Variants in EML5 observed in about 807,000 individuals in gnomAD.
EML5 encodes echinoderm microtubule-associated protein-like 5.
In EML5, 120 loss-of-function variants were observed where a neutral mutation model predicts 250.0. That is an observed-to-expected ratio of 0.48 (90% CI 0.41 to 0.56). EML5 has a LOEUF of 0.56. EML5 is among the 20% of genes least tolerant of loss of function. EML5 has a pLI of 0.00. For missense variants in EML5, 2,006 were observed against 2,437.6 expected (o/e 0.82, Z 3.73); for synonymous variants, 771 against 806.5 (o/e 0.96, Z 0.75).
At chr14:88,649,515 C>A (rs2091520157) in intron 28 of EML5, among the ~76,000 whole-genome samples, 1 of 152,146 alleles carries the variant, frequency 6.6e-6, no homozygotes. Context: ...ACCATAGTTA[C>A]CCTCTTTTCA....
chr14:88,621,109 T>G lies in EML5; in HGVS notation c.5202+4A>C. 6.2e-7 allele frequency: 1 copy of G among 1,613,072 alleles called. No homozygotes were observed. The highest frequency in any genetic ancestry group is 8.5e-7 in the Non-Finnish European group (1 of 1,179,568). On this transcript the variant is annotated splice_donor_region_variant and intron_variant, in intron 38 of 43. Coordinates refer to ENST00000554922, the MANE Select transcript of EML5 (RefSeq NM_183387.3). ...CCTCTTTTAAAAAAATTATCTGTAC[T>G]TACTTTATCAGCAATATCCCAAAGT...
At chr14:88,787,151 C>A (rs1175071554) in intron 1 of EML5, among the ~76,000 whole-genome samples, 1 of 152,226 alleles carries the variant, frequency 6.6e-6, no homozygotes, top group Non-Finnish European at 1.5e-5. Flanking sequence ...CTTCTGATGA[C>A]CCTTCTCCCT....
chr14:88,773,447 C>T (rs2094415371), intron 1 of EML5, among the ~76,000 whole-genome samples: 1 of 152,188 alleles, frequency 6.6e-6, no homozygotes, highest in Non-Finnish European at 1.5e-5. Flanking sequence ...CCAGTACTTA[C>T]CCACATTGTC....
At chr14:88,688,191 G>T in intron 18 of EML5, 80 bp downstream of exon 18, 2 of 1,388,344 alleles carry the variant, frequency 1.4e-6, no homozygotes, top group Non-Finnish European at 2.0e-6. Flanking sequence ...AAGTAGAAAG[G>T]CAGTGTTCCT....
chr14:88,783,989 A>G (rs1436862897), intron 1 of EML5, among the ~76,000 whole-genome samples: 2 of 152,234 alleles, frequency 1.3e-5, no homozygotes, highest in East Asian at 3.8e-4. Context: ...GAATAAAACT[A>G]GAAATTAATA....
At chr14:88,693,728 C>T (rs1054711762) in intron 17 of EML5, among the ~76,000 whole-genome samples, 1 of 140,428 alleles carries the variant, frequency 7.1e-6, no homozygotes, top group Non-Finnish European at 1.5e-5. Context: ...GAGTATTATT[C>T]TCTTATACAC....
chr14:88,779,361 C>A (rs1266475992), intron 1 of EML5, among the ~76,000 whole-genome samples: 1 of 152,178 alleles, frequency 6.6e-6, no homozygotes, highest in Non-Finnish European at 1.5e-5. Context: ...TGAACCAGAT[C>A]CTGCCTTCTG....
At chr14:88,626,583 C>A (rs937974497) in intron 35 of EML5, 11 of 448,398 alleles carry the variant, frequency 2.5e-5, no homozygotes, top group Non-Finnish European at 4.5e-5. Context: ...CACCATTGCA[C>A]CCCAGCCCAG....
chr14:88,783,767 C>T (rs1023667338), intron 1 of EML5, among the ~76,000 whole-genome samples: 2 of 152,156 alleles, frequency 1.3e-5, no homozygotes, highest in African/African-American at 4.8e-5. Context: ...GACAGAAAAT[C>T]AACACAGAAA....
intron 8 of EML5, among the ~76,000 whole-genome samples, chr14:88,716,573 A>G (rs750327276): frequency 6.6e-6 from 1 of 152,194 alleles, no homozygotes; most frequent in Non-Finnish European, 1.5e-5. Context: ...TTTTATAATT[A>G]TAATCTTCAT....
intron 31 of EML5, among the ~76,000 whole-genome samples, chr14:88,639,285 A>G (rs751282565): frequency 6.6e-6 from 1 of 152,208 alleles, no homozygotes; most frequent in Non-Finnish European, 1.5e-5. Flanking sequence ...ACAGAGGAAC[A>G]CTTTAAGCAG....
intron 42 of EML5, 51 bp from the exon 43 acceptor site, chr14:88,616,293 A>C: frequency 6.5e-7 from 1 of 1,538,600 alleles, no homozygotes; most frequent in Non-Finnish European, 9.0e-7. Flanking sequence ...CACAGAAGTC[A>C]AAGGCTCTTA....
Position 88,644,502 on chromosome 14 carries a change from C to T in EML5, c.4038G>A (p.Val1346=). 3.7e-6 allele frequency: 6 copies of T among 1,613,670 alleles called. No homozygotes were observed. The highest frequency in any genetic ancestry group is 2.2e-5 in the East Asian group (1 of 44,828). ...TCTCTGGCTGTGGTGGGGCCCTGCTCACTGGAGGCCTGCAACAGAGAAGTG... is the reference window on the plus strand; with the variant it reads ...TCTCTGGCTGTGGTGGGGCCCTGCTTACTGGAGGCCTGCAACAGAGAAGTG... The part of the protein sequence containing the change: ...QGVVRGSRPP[V]SRAPPQPEKL... Residue 1346 remains valine, a synonymous_variant, in exon 30 of 44, where the codon GTG becomes GTA. Coordinates refer to ENST00000554922, the MANE Select transcript of EML5 (RefSeq NM_183387.3).
Position 88,754,591 on chromosome 14 carries a change from T to C in EML5, c.278A>G (p.Tyr93Cys), listed in dbSNP as rs369891759. The change falls in exon 2 of 44, where the codon TAC becomes TGC. Residue 93 changes from tyrosine to cysteine, a missense_variant. Tyr to Cys is a radical substitution (Grantham distance 194, BLOSUM62 -2). Transcript: ENST00000554922. Reference sequence around the variant, plus strand: ...TAAAACTGATATGGTCTGCACAGTGTATGAATCCCAAATACAAATATAAGG... The same window carrying C: ...TAAAACTGATATGGTCTGCACAGTGCATGAATCCCAAATACAAATATAAGG... The part of the protein sequence containing the change: ...KEPYICIWDS[Y>C]TVQTISVLKD... 8 of 1,613,656 alleles carry C rather than the reference T, an allele frequency of 5.0e-6. No homozygotes were observed. The African/African-American group carries it at 5.3e-5, about 11-fold the overall frequency.
Position 88,792,408 on chromosome 14 carries a change from C to T in EML5, c.96G>A (p.Ala32=). The T allele has an allele frequency of 1.9e-6, 3 of 1,563,478 alleles. No individual in the cohort carries two copies. The highest frequency in any genetic ancestry group is 2.6e-6 in the Non-Finnish European group (3 of 1,156,034). ...CCACGAAGTATACGATCTCCTTGGCCGCAGTGTAGTAGAGGTTGTTGCGGC... is the reference window on the plus strand; with the variant it reads ...CCACGAAGTATACGATCTCCTTGGCTGCAGTGTAGTAGAGGTTGTTGCGGC... ...HQCRNNLYYT[A]AKEIVYFVAG... Residue 32 remains alanine, a synonymous_variant, in exon 1 of 44, where the codon GCG becomes GCA. Transcript: ENST00000554922. This position sits in a 1 kb window ranked among gnomAD's most constrained non-coding sequence, Gnocchi z 6.9.
At chr14:88,644,323 C>A in intron 30 of EML5, 110 bp downstream of exon 30, 1 of 905,564 alleles carries the variant, frequency 1.1e-6, no homozygotes, top group Non-Finnish European at 1.7e-6. Context: ...AAACAAAAAA[C>A]AGTACTCAAA....
chr14:88,679,019 T>C (rs949405320), intron 21 of EML5, among the ~76,000 whole-genome samples: 1 of 151,886 alleles, frequency 6.6e-6, no homozygotes, highest in Non-Finnish European at 1.5e-5. Flanking sequence ...TAGCAATCCT[T>C]GGTGCTCCTT....
chr14:88,636,578 G>A (rs537378659), intron 32 of EML5, among the ~76,000 whole-genome samples: 5 of 152,236 alleles, frequency 3.3e-5, no homozygotes, highest in East Asian at 3.9e-4. Flanking sequence ...GGAGAATGGC[G>A]TGAACCCGGG....
chr14:88,715,874 A>G (rs1475363028), intron 8 of EML5, among the ~76,000 whole-genome samples: 1 of 151,974 alleles, frequency 6.6e-6, no homozygotes, highest in Admixed American at 6.6e-5. Context: ...TCCCTTAGGG[A>G]CCATGTTGAC....
Sources: allele counts gnomAD v4.1 joint callset (sites outside exome capture counted in the v4.1 genomes callset), GRCh38; gene constraint gnomAD v4.1.1; non-coding constraint Gnocchi (gnomAD v3.1); transcripts MANE v1.5; gene names NCBI Gene and HGNC (gene_info 2026-07-23, HGNC 2026-07-21).